The following ZNF407 variants were observed in gnomAD, a reference collection of about 807,000 sequenced individuals.
ZNF407 encodes zinc finger protein 407.
Under a neutral mutation model 131.2 loss-of-function variants are expected in ZNF407, and 17 were observed. The ratio of observed to expected loss-of-function variants is 0.13; its 90% CI spans 0.09 to 0.19. The LOEUF (loss-of-function observed/expected upper bound fraction) is 0.19, where lower values mean the gene tolerates loss of function less well. Ranked by LOEUF, ZNF407 falls within the 10% of genes least tolerant of loss-of-function variation. ZNF407 has a pLI of 1.00. For missense variants in ZNF407, 2,681 were observed against 2,830.6 expected, an observed-to-expected ratio of 0.95 and a Z score of 1.20; for synonymous variants, 1,156 against 1,062.0, an observed-to-expected ratio of 1.09 and a Z score of -1.72.
rs1984338305 is a variant in ZNF407, at chr18:74,634,559, TGAG to T, written c.3544_3546del (p.Glu1182del). On this transcript the variant is annotated inframe_deletion, in exon 2 of 9. Transcript: ENST00000299687. ...CTGTCAAGGATAAAGTTAGGAAACC[TGAG>T]GAGATGATGTCACTTACTATGTCCT... The T allele has an allele frequency of 6.2e-7, 1 of 1,613,746 alleles. No individual in the cohort carries two copies. Among genetic ancestry groups the T allele is most frequent in the African/African-American group, 1.3e-5 (1 of 74,926 alleles).
chr18:74,950,150 C>T (rs988995764), intron 8 of ZNF407, among the ~76,000 whole-genome samples: 1 of 152,168 alleles, frequency 6.6e-6, no homozygotes, highest in African/African-American at 2.4e-5. Context: ...CTTCAGAAGC[C>T]AGTGGTGCCC....
At chr18:74,709,560 G>A (rs978361651) in intron 3 of ZNF407, among the ~76,000 whole-genome samples, 2 of 152,168 alleles carry the variant, frequency 1.3e-5, no homozygotes, top group Non-Finnish European at 2.9e-5. Flanking sequence ...ATCCAGCATG[G>A]CTAGGCAGGA....
intron 1 of ZNF407, among the ~76,000 whole-genome samples, chr18:74,629,926 C>T (rs11877473): frequency 6.6e-6 from 1 of 152,016 alleles, no homozygotes; most frequent in Non-Finnish European, 1.5e-5. Context: ...AAATTTACTC[C>T]ATTAATTCTA....
intron 8 of ZNF407, among the ~76,000 whole-genome samples, chr18:74,989,409 A>G (rs1972691857): frequency 6.6e-6 from 1 of 152,276 alleles, no homozygotes; most frequent in Admixed American, 6.5e-5. Flanking sequence ...AAAACTCAGC[A>G]CAATGTGCAA....
intron 4 of ZNF407, among the ~76,000 whole-genome samples, chr18:74,805,006 C>T (rs1156592771): frequency 1.3e-5 from 2 of 152,166 alleles, no homozygotes; most frequent in Non-Finnish European, 2.9e-5. Context: ...CGTGCATTCA[C>T]CATAGCAATT....
Position 74,640,923 on chromosome 18 carries a change from A to G in ZNF407, c.4688-85A>G, listed in dbSNP as rs191745051. The G allele has an allele frequency of 3.7e-3, 3,736 of 1,000,036 alleles. 13 individuals are homozygous for G. Among genetic ancestry groups the G allele is most frequent in the Non-Finnish European group, 5.2e-3 (3,307 of 636,860 alleles). 61.9% of individuals were successfully genotyped at this position (1,000,036 alleles called of 1,614,324 possible). A position where few individuals can be genotyped will look rare whatever the true frequency, so the allele number is the denominator to read the frequency against. Reference sequence around the variant, plus strand: ...AGAAATTCTTAATTAGGTTAAAGGTATGATTTAAGATTTAGTCCTCTTTTC... The same window carrying G: ...AGAAATTCTTAATTAGGTTAAAGGTGTGATTTAAGATTTAGTCCTCTTTTC... On this transcript the variant is annotated intron_variant, in intron 2 of 8. Coordinates refer to ENST00000299687, the MANE Select transcript of ZNF407 (RefSeq NM_017757.3).
chr18:75,014,631 C>T (rs1973021942), intron 8 of ZNF407, among the ~76,000 whole-genome samples: 1 of 151,970 alleles, frequency 6.6e-6, no homozygotes, highest in African/African-American at 2.4e-5. Context: ...TTAAAACCAT[C>T]GACCAAAATA....
intron 8 of ZNF407, among the ~76,000 whole-genome samples, chr18:74,951,411 G>A (rs1217029654): frequency 2.0e-5 from 3 of 152,160 alleles, no homozygotes; most frequent in Admixed American, 2.0e-4. Context: ...TGCCTAAACT[G>A]TTTTGCACAG....
intron 1 of ZNF407, among the ~76,000 whole-genome samples, chr18:74,610,616 C>A (rs1983014166): frequency 6.6e-6 from 1 of 152,132 alleles, no homozygotes; most frequent in African/African-American, 2.4e-5. Flanking sequence ...AATGGCTCAT[C>A]TCGGCTCACT....
At chr18:74,763,195 CCTTTTTTTTT>C (rs1293552386) in intron 3 of ZNF407, among the ~76,000 whole-genome samples, 2 of 5,866 alleles carry the variant, frequency 3.4e-4, no homozygotes, top group Non-Finnish European at 1.3e-3. Context: ...CTTCTTAGGA[CCTTTTTTTTT>C]TTTTTTTTTT....
intron 1 of ZNF407, among the ~76,000 whole-genome samples, chr18:74,617,347 T>G (rs1599133020): frequency 6.6e-6 from 1 of 152,246 alleles, no homozygotes; most frequent in Admixed American, 6.5e-5. Context: ...TTGGTGCTTT[T>G]TATCAGTTGG....
Position 75,012,695 on chromosome 18 carries a change from T to TC in ZNF407, c.5429-50451dup, listed in dbSNP as rs57504172. ...CCTCTGCTGTGGAACTTTCTTTTTT[T>TC]CCCCAACTTTGTTGTAAATTTGCTA... On this transcript the variant is annotated intron_variant, in intron 8 of 8. Transcript: ENST00000299687. Among the ~76,000 whole-genome samples the TC allele has an allele frequency of 3.8e-4, 58 of 151,508 alleles. 1 individual carries two copies. The highest frequency in any genetic ancestry group is 6.5e-4 in the Non-Finnish European group (44 of 67,812).
At chr18:74,966,405 A>G (rs749550650) in intron 8 of ZNF407, among the ~76,000 whole-genome samples, 1 of 152,200 alleles carries the variant, frequency 6.6e-6, no homozygotes, top group Non-Finnish European at 1.5e-5. Flanking sequence ...TCCCAGCACC[A>G]TTTATTGAAG....
intron 3 of ZNF407, among the ~76,000 whole-genome samples, chr18:74,685,452 C>T (rs1015655749): frequency 3.3e-5 from 5 of 152,288 alleles, no homozygotes; most frequent in Non-Finnish European, 7.3e-5. Context: ...CCTCTGTCCT[C>T]CCTCCTCAGC....
intron 3 of ZNF407, among the ~76,000 whole-genome samples, chr18:74,727,686 G>A (rs1968191621): frequency 6.6e-6 from 1 of 152,170 alleles, no homozygotes; most frequent in African/African-American, 2.4e-5. Context: ...ATGTTAGGAG[G>A]GAGATGAGAG....
At chr18:74,877,463 A>G (rs564596205) in intron 5 of ZNF407, 100 bp downstream of exon 5, 2 of 1,042,538 alleles carry the variant, frequency 1.9e-6, no homozygotes, top group African/African-American at 3.2e-5. Flanking sequence ...ATAGTAATCA[A>G]TGGAAATGAT....
At chr18:74,856,811 A>G (rs538511292) in intron 4 of ZNF407, among the ~76,000 whole-genome samples, 6 of 152,172 alleles carry the variant, frequency 3.9e-5, no homozygotes, top group Non-Finnish European at 8.8e-5. Context: ...TATTAATACA[A>G]TTTTTCATCT....
rs1368356133 is a variant in ZNF407 at position 74,661,185 on chromosome 18, C to T, written c.4802+20063C>T. 2.0e-5 allele frequency among the ~76,000 whole-genome samples: 3 copies of T among 152,140 alleles called. No individual in the cohort carries two copies. In the East Asian group the frequency reaches 5.8e-4, roughly 29 times the overall value. ...CAGGGTTACACTGTTAGGTTAAATA[C>T]AGGCAGCATTCCTTTTCAAAAAATC... is the stretch of plus-strand genomic sequence containing the variant. On this transcript the variant is annotated intron_variant, in intron 3 of 8. Coordinates refer to ENST00000299687, the MANE Select transcript of ZNF407 (RefSeq NM_017757.3).
intron 8 of ZNF407, among the ~76,000 whole-genome samples, chr18:75,044,321 T>C (rs1313251340): frequency 6.6e-6 from 1 of 151,338 alleles, no homozygotes; most frequent in African/African-American, 2.5e-5. Context: ...TTTGTTGGGT[T>C]TTTTTTCTTT....
Sources: gnomAD v4.1 joint callset for allele counts (sites outside exome capture counted in the v4.1 genomes callset) on GRCh38, gnomAD v4.1.1 for gene constraint, MANE v1.5 for transcripts, NCBI Gene and HGNC (gene_info 2026-07-23, HGNC 2026-07-21) for gene names.